The following MAP3K4 variants were observed in gnomAD, a reference collection of about 807,000 sequenced individuals.
MAP3K4 encodes the protein mitogen-activated protein kinase kinase kinase 4, also known as MAP three kinase 1.
Under a neutral mutation model 185.6 loss-of-function variants are expected in MAP3K4, and 67 were observed. That is an observed-to-expected ratio of 0.36 (90% CI 0.30 to 0.44). The LOEUF (loss-of-function observed/expected upper bound fraction) is 0.44. Among genes scored for constraint, MAP3K4 ranks in the 20% least tolerant of loss-of-function variants. The pLI is 1.00. For missense variants in MAP3K4, 1,551 were observed against 1,995.1 expected (o/e 0.78, Z 4.24); for synonymous variants, 702 against 710.4 (o/e 0.99, Z 0.19).
chr6:161,028,052 G>A (rs543419150), intron 1 of MAP3K4, among the ~76,000 whole-genome samples: 2 of 152,254 alleles, frequency 1.3e-5, no homozygotes, highest in South Asian at 2.1e-4. Flanking sequence ...GTTTAGGCCC[G>A]GGACTGGTCC....
chr6:161,097,650 C>T lies in MAP3K4; in HGVS notation c.3524+474C>T, dbSNP rs1293586751. Reference sequence around the variant, plus strand: ...GAATTCAGAAACTATAGTACATTCACGATAACTGCCTTGAATGTGGTGGCA... The same window carrying T: ...GAATTCAGAAACTATAGTACATTCATGATAACTGCCTTGAATGTGGTGGCA... On this transcript the variant is annotated intron_variant, in intron 16 of 26. Transcript: ENST00000392142. This position sits in a 1 kb window ranked among gnomAD's most constrained non-coding sequence, Gnocchi z 4.9. Among the ~76,000 whole-genome samples, 1 of 152,190 alleles carries T rather than the reference C, an allele frequency of 6.6e-6. No individual in the cohort carries two copies. Among genetic ancestry groups the T allele is most frequent in the African/African-American group, 2.4e-5 (1 of 41,454 alleles).
intron 19 of MAP3K4, among the ~76,000 whole-genome samples, chr6:161,104,005 C>T (rs963596780): frequency 6.6e-6 from 1 of 152,144 alleles, no homozygotes; most frequent in Non-Finnish European, 1.5e-5. Context: ...TCAGCAGTTC[C>T]CACGGATACC....
intron 2 of MAP3K4, among the ~76,000 whole-genome samples, chr6:161,045,886 A>G (rs1294057424): frequency 2.0e-5 from 3 of 152,148 alleles, no homozygotes; most frequent in East Asian, 1.9e-4. Flanking sequence ...TTGGGTGTAC[A>G]TAATAGTTAA....
rs934632126 is a variant in MAP3K4 at position 161,091,764 on chromosome 6, A to C, written c.3135+224A>C. ...CTAACAGCCATCTACTTACATTTTA[A>C]AACTTTAAAGAGATGTTTTATGTCA... On this transcript the variant is annotated intron_variant, in intron 12 of 26. Transcript: ENST00000392142. The surrounding 1 kb of genome is among the most constrained non-coding windows in gnomAD (Gnocchi z 5.5). Among the ~76,000 whole-genome samples the C allele has an allele frequency of 1.3e-5, 2 of 152,208 alleles. No homozygotes were observed. Among genetic ancestry groups the C allele is most frequent in the Admixed American group, 6.5e-5 (1 of 15,286 alleles).
chr6:161,002,050 GT>G lies in MAP3K4; in HGVS notation c.152+9988del, dbSNP rs77347524. Among the ~76,000 whole-genome samples the G allele has an allele frequency of 2.4e-3, 269 of 112,410 alleles. 1 individual carries two copies. The highest frequency in any genetic ancestry group is 0.019 in the Middle Eastern group (4 of 214). The allele number at this position is 112,410 out of a possible 152,430, so 73.7% of individuals were successfully genotyped here. A position where few individuals can be genotyped will look rare whatever the true frequency, so the allele number is the denominator to read the frequency against. On this transcript the variant is annotated intron_variant, in intron 1 of 26. Transcript: ENST00000392142. Reference sequence around the variant, plus strand: ...CAGAAGCCATAGAAATAAGAAAAAGGTTTTTTTTTTTTTTTTTTTTTGGATC... The same window carrying G: ...CAGAAGCCATAGAAATAAGAAAAAGGTTTTTTTTTTTTTTTTTTTTGGATC...
At position 161,110,581 on chromosome 6, in the gene MAP3K4, T is replaced by C. The variant is rs1001606792; in HGVS notation, c.4396+667T>C. Among the ~76,000 whole-genome samples, 6 of 152,254 alleles carry C rather than the reference T, an allele frequency of 3.9e-5. No homozygotes were observed. The highest frequency in any genetic ancestry group is 8.8e-5 in the Non-Finnish European group (6 of 68,040). On this transcript the variant is annotated intron_variant, in intron 23 of 26. Transcript: ENST00000392142. The surrounding 1 kb of genome is among the most constrained non-coding windows in gnomAD (Gnocchi z 4.8). ...TTTTTGTGCCTATTTGGCCCTAGGC[T>C]GAAGAGTTTCATTCTGTCCTGTAGT...
chr6:161,074,734 G>A lies in MAP3K4; in HGVS notation c.2097+1122G>A, dbSNP rs764516521. On this transcript the variant is annotated intron_variant, in intron 5 of 26. Coordinates refer to ENST00000392142, the MANE Select transcript of MAP3K4 (RefSeq NM_005922.4). This position sits in a 1 kb window ranked among gnomAD's most constrained non-coding sequence, Gnocchi z 5.0. ...GTTAATGAAATAATAAAACTGTATC[G>A]TTGTAGGTGGGGTGCATTCATTCTT... Among the ~76,000 whole-genome samples the A allele has an allele frequency of 2.6e-4, 40 of 152,270 alleles. No homozygotes were observed. The highest frequency in any genetic ancestry group is 1.9e-4 in the African/African-American group (8 of 41,562).
Position 161,103,147 on chromosome 6 carries a change from A to C in MAP3K4, c.3856+368A>C, listed in dbSNP as rs552874985. 4.6e-4 allele frequency among the ~76,000 whole-genome samples: 70 copies of C among 152,352 alleles called. No individual in the cohort carries two copies. The highest frequency in any genetic ancestry group is 1.6e-3 in the African/African-American group (66 of 41,580). ...TACGAAGCATGTGATTAATATTATCAAAAGAACAAATAGCAGAAAAATCAT... is the reference window on the plus strand; with the variant it reads ...TACGAAGCATGTGATTAATATTATCCAAAGAACAAATAGCAGAAAAATCAT... On this transcript the variant is annotated intron_variant, in intron 19 of 26. Transcript: ENST00000392142. The surrounding 1 kb of genome is among the most constrained non-coding windows in gnomAD (Gnocchi z 4.6).
intron 1 of MAP3K4, among the ~76,000 whole-genome samples, chr6:161,018,799 A>G (rs918275162): frequency 5.9e-5 from 9 of 152,246 alleles, no homozygotes; most frequent in South Asian, 2.1e-4. Context: ...TAGTATGATT[A>G]TAATTAGGCT....
At chr6:161,002,974 A>G (rs1781398839) in intron 1 of MAP3K4, among the ~76,000 whole-genome samples, 2 of 152,144 alleles carry the variant, frequency 1.3e-5, no homozygotes, top group South Asian at 2.1e-4. Flanking sequence ...ATGACAGACA[A>G]TGGCAAACTG....
intron 2 of MAP3K4, among the ~76,000 whole-genome samples, chr6:161,044,261 T>A (rs1043928657): frequency 1.8e-4 from 27 of 152,358 alleles, no homozygotes; most frequent in African/African-American, 6.5e-4. Flanking sequence ...GTCCTGTAAT[T>A]AGAACTTGCC....
chr6:161,048,790 C>A lies in MAP3K4; in HGVS notation c.518C>A (p.Ser173Tyr). The A allele has an allele frequency of 6.2e-7, 1 of 1,614,078 alleles. No homozygotes were observed. The highest frequency in any genetic ancestry group is 8.5e-7 in the Non-Finnish European group (1 of 1,180,020). ...CSFMLDSVGGSLPKKSIPDVD... is the reference protein window; with the variant it reads ...CSFMLDSVGGYLPKKSIPDVD... ...TTCATGTTAGACTCAGTGGGTGGAT[C>A]TTTGCCAAAAAAATCAATTCCAGAT... The change falls in exon 3 of 27, where the codon TCT becomes TAT. Residue 173 changes from serine (S) to tyrosine (Y), a missense_variant. Around this residue, in one of 16 missense-constraint regions of MAP3K4, gnomAD observed 287 missense variants for 268.8 expected, o/e 1.07. Transcript: ENST00000392142. The surrounding 1 kb of genome is among the most constrained non-coding windows in gnomAD (Gnocchi z 4.7).
At position 161,100,962 on chromosome 6, in the gene MAP3K4, T is replaced by C. The variant is rs1198856226; in HGVS notation, c.3675-930T>C. The C allele has an allele frequency of 6.6e-6, 1 of 152,176 alleles. No individual in the cohort carries two copies. Among genetic ancestry groups the C allele is most frequent in the Non-Finnish European group, 1.5e-5 (1 of 68,042 alleles). 9.4% of individuals were successfully genotyped at this position (152,176 alleles called of 1,614,324 possible). On this transcript the variant is annotated intron_variant, in intron 17 of 26. Coordinates refer to ENST00000392142, the MANE Select transcript of MAP3K4 (RefSeq NM_005922.4). This position sits in a 1 kb window ranked among gnomAD's most constrained non-coding sequence, Gnocchi z 5.8. ...TAGGGAAATACCAGAAAAAAATGCA[T>C]ATTTTATAATTTGTAAATGTCTGTG...
intron 19 of MAP3K4, among the ~76,000 whole-genome samples, chr6:161,104,698 A>C (rs1477202723): frequency 7.9e-6 from 1 of 127,112 alleles, no homozygotes; most frequent in African/African-American, 3.0e-5. Flanking sequence ...TGACAGAGGG[A>C]GACTCCATCT....
chr6:161,039,262 C>A (rs1441899588), intron 2 of MAP3K4, among the ~76,000 whole-genome samples: 2 of 141,596 alleles, frequency 1.4e-5, no homozygotes, highest in African/African-American at 5.5e-5. Context: ...TCCCCTAGCC[C>A]CGAACCCGCA....
intron 3 of MAP3K4, among the ~76,000 whole-genome samples, chr6:161,059,599 A>G (rs75127023): frequency 0.058 from 8,901 of 152,160 alleles, 412 homozygotes; most frequent in East Asian, 0.25. Flanking sequence ...TCATTTTTCT[A>G]TGATGGTTGT....
Position 161,101,740 on chromosome 6 carries a change from C to T in MAP3K4, c.3675-152C>T, listed in dbSNP as rs1777848233. 6.3e-6 allele frequency: 4 copies of T among 639,888 alleles called. No homozygotes were observed. The highest frequency in any genetic ancestry group is 3.7e-5 in the African/African-American group (2 of 54,552). 39.6% of individuals were successfully genotyped at this position (639,888 alleles called of 1,614,324 possible). A position where few individuals can be genotyped will look rare whatever the true frequency, so the allele number is the denominator to read the frequency against. ...CCCACTAGATGCCAGTAGCACCCTC[C>T]CAAAAGTGTCTAATACATTGCTGGA... On this transcript the variant is annotated intron_variant, in intron 17 of 26. Transcript: ENST00000392142. This position sits in a 1 kb window ranked among gnomAD's most constrained non-coding sequence, Gnocchi z 5.1.
In MAP3K4 at chr6:161,075,241, A is replaced by G. The variant is rs1335396053; in HGVS notation, c.2097+1629A>G. Among the ~76,000 whole-genome samples, 1 of 152,102 alleles carries G rather than the reference A, an allele frequency of 6.6e-6. No homozygotes were observed. The highest frequency in any genetic ancestry group is 1.5e-5 in the Non-Finnish European group (1 of 68,008). The stretch of plus-strand genomic sequence containing the variant: ...GTGTTGACGGCTTCCTGTAGTCTCA[A>G]CCTACTGGGCTCAAACGATCCTCCT... On this transcript the variant is annotated intron_variant, in intron 5 of 26. Transcript: ENST00000392142. The surrounding 1 kb of genome is among the most constrained non-coding windows in gnomAD (Gnocchi z 4.3).
intron 1 of MAP3K4, among the ~76,000 whole-genome samples, chr6:161,021,828 G>A (rs1782405916): frequency 6.6e-6 from 1 of 152,030 alleles, no homozygotes; most frequent in Admixed American, 6.5e-5. Context: ...TTCCCTTGAG[G>A]TGCTAATAGT....
Sources: allele counts gnomAD v4.1 joint callset (sites outside exome capture counted in the v4.1 genomes callset), GRCh38; gene constraint gnomAD v4.1.1; regional missense constraint gnomAD v4.1.1; non-coding constraint Gnocchi (gnomAD v3.1); transcripts MANE v1.5; gene names NCBI Gene and HGNC (gene_info 2026-07-23, HGNC 2026-07-21).